The following CDH13 variants were observed in gnomAD, a reference collection of about 807,000 sequenced individuals.
CDH13 encodes the protein cadherin-13.
In CDH13, 24 loss-of-function variants were observed where a neutral mutation model predicts 63.8. The observed-to-expected ratio is 0.38, with a 90% CI of 0.27 to 0.53. The LOEUF is 0.53. Ranked by LOEUF, CDH13 falls within the 20% of genes least tolerant of loss-of-function variation. CDH13 has a pLI of 0.85. For synonymous variants in CDH13, 503 were observed against 355.3 expected (o/e 1.42, Z -4.67); for missense variants, 1,049 against 903.1 (o/e 1.16, Z -2.07).
chr16:82,956,007 C>T (rs967633555), intron 2 of CDH13, among the ~76,000 whole-genome samples: 1 of 152,282 alleles, frequency 6.6e-6, no homozygotes, highest in African/African-American at 2.4e-5. Flanking sequence ...TAGACACTGC[C>T]TCTTGGATGT....
intron 7 of CDH13, among the ~76,000 whole-genome samples, chr16:83,541,342 C>T (rs939037615): frequency 2.6e-5 from 4 of 152,152 alleles, no homozygotes; most frequent in African/African-American, 9.7e-5. Flanking sequence ...CTTCATTATC[C>T]TTTACCAAAT....
intron 8 of CDH13, among the ~76,000 whole-genome samples, chr16:83,606,681 C>G (rs550104429): frequency 1.0e-4 from 15 of 149,194 alleles, no homozygotes; most frequent in African/African-American, 3.3e-4. Flanking sequence ...GAGTCATGAT[C>G]ACACCACTGC....
Position 83,083,823 on chromosome 16 carries a change from A to G in CDH13, c.367-41562A>G, listed in dbSNP as rs1489334095. ...CCATCTGGTCAGGGAGCTAAATACA[A>G]TGAAGGGCATCCAGCTATTATCCCA... is the stretch of plus-strand genomic sequence containing the variant. On this transcript the variant is annotated intron_variant, in intron 3 of 13. Transcript: ENST00000567109. Among the ~76,000 whole-genome samples the G allele has an allele frequency of 6.6e-5, 10 of 152,218 alleles. No homozygotes were observed. The East Asian group carries it at 1.5e-3, about 23-fold the overall frequency.
chr16:83,211,529 C>T (rs1057149145), intron 4 of CDH13, among the ~76,000 whole-genome samples: 1 of 152,148 alleles, frequency 6.6e-6, no homozygotes, highest in Non-Finnish European at 1.5e-5. Context: ...TAAAAACACA[C>T]ACCACATTGT....
chr16:83,216,427 T>TATATAAATATATATATAA (rs1555513895), intron 4 of CDH13, among the ~76,000 whole-genome samples: 2 of 45,056 alleles, frequency 4.4e-5, no homozygotes, highest in African/African-American at 1.2e-4. Context: ...TATATATATA[T>TATATAAATATATATATAA]ATATATATAT....
chr16:82,727,588 A>C (rs2033169039), intron 1 of CDH13: 1 of 152,200 alleles, frequency 6.6e-6, no homozygotes, highest in Non-Finnish European at 1.5e-5. Flanking sequence ...AGCTCATCCC[A>C]TTTAGAACAT....
At position 83,678,264 on chromosome 16, in the gene CDH13, A is replaced by G. The variant is rs1219416698; in HGVS notation, c.1341A>G (p.Glu447=). ...FHTLLIKVEN[E]DPLVPDVSYG... is the part of the protein sequence containing the mutation. ...CCCTGCTGATCAAAGTGGAAAATGA[A>G]GACCCACTCGTACCCGACGTCTCCT... Residue 447 remains glutamate, a synonymous_variant, in exon 10 of 14, where the codon GAA becomes GAG. Coordinates refer to ENST00000567109, the MANE Select transcript of CDH13 (RefSeq NM_001257.5). The G allele has an allele frequency of 6.2e-7, 1 of 1,613,832 alleles. No individual in the cohort carries two copies. Among genetic ancestry groups the G allele is most frequent in the African/African-American group, 1.3e-5 (1 of 74,908 alleles).
intron 7 of CDH13, among the ~76,000 whole-genome samples, chr16:83,535,900 GAAAAGGAAA>G (rs940320288): frequency 4.1e-5 from 6 of 145,908 alleles, no homozygotes; most frequent in Admixed American, 2.1e-4. Flanking sequence ...ACAAAGAAAA[GAAAAGGAAA>G]AAAAGGAAAG....
At chr16:83,346,170 T>C (rs556033788) in intron 6 of CDH13, among the ~76,000 whole-genome samples, 29 of 152,258 alleles carry the variant, frequency 1.9e-4, no homozygotes, top group Admixed American at 1.9e-3. Context: ...GCGTGTGTGC[T>C]GGAGGGTGTT....
rs144227640 is a variant in CDH13 at position 82,651,627 on chromosome 16, C to A, written c.45+24490C>A. ...CCCTATTAGGGAGGTGGTGTTTTTCCACTTTACAGTGAGGAGACTGAGGCT... is the reference window on the plus strand; with the variant it reads ...CCCTATTAGGGAGGTGGTGTTTTTCAACTTTACAGTGAGGAGACTGAGGCT... On this transcript the variant is annotated intron_variant, in intron 1 of 13. Coordinates refer to ENST00000567109, the MANE Select transcript of CDH13 (RefSeq NM_001257.5). Among the ~76,000 whole-genome samples, 387 of 152,300 alleles carry A rather than the reference C, an allele frequency of 2.5e-3. 2 individuals are homozygous for A. Among genetic ancestry groups the A allele is most frequent in the African/African-American group, 8.9e-3 (371 of 41,568 alleles).
At chr16:83,039,900 C>G (rs1917190521) in intron 3 of CDH13, among the ~76,000 whole-genome samples, 1 of 152,106 alleles carries the variant, frequency 6.6e-6, no homozygotes. Context: ...TCAGAACCAG[C>G]CAAGATTTTC....
chr16:83,456,404 C>G (rs2073026387), intron 6 of CDH13, among the ~76,000 whole-genome samples: 1 of 152,146 alleles, frequency 6.6e-6, no homozygotes, highest in South Asian at 2.1e-4. Context: ...TGGAAAAATC[C>G]AAACTGGTGA....
intron 1 of CDH13, among the ~76,000 whole-genome samples, chr16:82,813,817 T>C (rs537278722): frequency 1.2e-3 from 179 of 152,320 alleles, no homozygotes; most frequent in African/African-American, 4.1e-3. Flanking sequence ...AAAGATAGAT[T>C]TTGAAGTTCA....
At chr16:82,717,124 C>G (rs939126391) in intron 1 of CDH13, among the ~76,000 whole-genome samples, 3 of 152,144 alleles carry the variant, frequency 2.0e-5, no homozygotes, top group African/African-American at 7.2e-5. Context: ...CTGCCATCTT[C>G]TGCCTTTCAT....
intron 6 of CDH13, among the ~76,000 whole-genome samples, chr16:83,408,312 C>A (rs564122969): frequency 6.7e-6 from 1 of 150,148 alleles, no homozygotes; most frequent in Non-Finnish European, 1.5e-5. Flanking sequence ...ACGTGTCACT[C>A]AACAATGGGT....
chr16:83,014,061 G>A (rs1914428956), intron 2 of CDH13, among the ~76,000 whole-genome samples: 1 of 151,950 alleles, frequency 6.6e-6, no homozygotes. Context: ...GAAGTTCACA[G>A]TCTGATAAGG....
chr16:83,050,862 T>C (rs1265384259), intron 3 of CDH13, among the ~76,000 whole-genome samples: 1 of 152,152 alleles, frequency 6.6e-6, no homozygotes, highest in African/African-American at 2.4e-5. Context: ...GCCATCCTCG[T>C]CTTCCCATGC....
intron 8 of CDH13, among the ~76,000 whole-genome samples, chr16:83,652,584 C>T (rs964187980): frequency 2.6e-5 from 4 of 152,172 alleles, no homozygotes; most frequent in African/African-American, 9.7e-5. Context: ...CCCCTCTTTA[C>T]TGGCCCCTCA....
At chr16:83,578,815 T>G (rs1234663491) in intron 7 of CDH13, among the ~76,000 whole-genome samples, 4 of 152,170 alleles carry the variant, frequency 2.6e-5, no homozygotes, top group Non-Finnish European at 5.9e-5. Context: ...CACTATTCGG[T>G]GTCCTATGTG....
Sources: gnomAD v4.1 joint callset for allele counts (sites outside exome capture counted in the v4.1 genomes callset) on GRCh38, gnomAD v4.1.1 for gene constraint, MANE v1.5 for transcripts, NCBI Gene and HGNC (gene_info 2026-07-23, HGNC 2026-07-21) for gene names.